The following SDK1 variants were observed in gnomAD, a reference collection of about 807,000 sequenced individuals.
The protein encoded by SDK1 is sidekick cell adhesion molecule 1.
A neutral mutation model predicts 245.5 loss-of-function variants in SDK1; 157 were observed. That is an observed-to-expected ratio of 0.64 (90% confidence interval 0.56 to 0.73). The LOEUF (loss-of-function observed/expected upper bound fraction) is 0.73. SDK1 is among the 30% of genes least tolerant of loss of function. The pLI is 0.00. For missense variants in SDK1, 3,583 were observed against 3,002.3 expected, an observed-to-expected ratio of 1.19 and a Z score of -4.52; for synonymous variants, 1,647 against 1,278.5, an observed-to-expected ratio of 1.29 and a Z score of -6.15.
In SDK1 at chr7:3,739,090, T is replaced by A. The variant is rs114129044; in HGVS notation, c.714-82360T>A. Among the ~76,000 whole-genome samples the A allele has an allele frequency of 1.9e-3, 291 of 152,326 alleles. 2 individuals carry two copies. The highest frequency in any genetic ancestry group is 6.6e-3 in the African/African-American group (275 of 41,590). ...CATAGCTAATCCTTGGTTGACTGTT[T>A]TTATTTCTGAACTTTAAATAGATCA... On this transcript the variant is annotated intron_variant, in intron 4 of 44. Transcript: ENST00000404826.
chr7:3,773,232 T>A (rs533441324), intron 4 of SDK1, among the ~76,000 whole-genome samples: 3 of 152,316 alleles, frequency 2.0e-5, no homozygotes, highest in Non-Finnish European at 4.4e-5. Context: ...TCACTTTTCT[T>A]CAATCTTTTT....
chr7:3,782,470 A>T (rs957414185), intron 4 of SDK1, among the ~76,000 whole-genome samples: 1 of 152,236 alleles, frequency 6.6e-6, no homozygotes, highest in African/African-American at 2.4e-5. Flanking sequence ...CAGGAAGCAG[A>T]GTTCTCCAAT....
At chr7:3,360,105 C>CT (rs1204624420) in intron 1 of SDK1, among the ~76,000 whole-genome samples, 1 of 152,200 alleles carries the variant, frequency 6.6e-6, no homozygotes, top group African/African-American at 2.4e-5. Flanking sequence ...ATGTCATGGC[C>CT]TTCAGCATTC....
intron 2 of SDK1, among the ~76,000 whole-genome samples, chr7:3,629,204 G>A (rs1782212028): frequency 6.6e-6 from 1 of 151,602 alleles, no homozygotes; most frequent in Non-Finnish European, 1.5e-5. Context: ...GGGAGGCTGA[G>A]GCAGGAGAAT....
chr7:4,139,561 A>ATGTGTGTGTGTGTGTATGTG lies in SDK1; in HGVS notation c.4229-6154_4229-6153insGTGTGTGTATGTGTGTGTGT, dbSNP rs71032928. On this transcript the variant is annotated intron_variant, in intron 28 of 44. Transcript: ENST00000404826. ...TATATATGTGTGTGTATATGTATATATGTGTGTATATGTGTGTGTGTATGT... is the reference window on the plus strand; with the variant it reads ...TATATATGTGTGTGTATATGTATATATGTGTGTGTGTGTGTATGTGTGTGTGTATATGTGTGTGTGTATGT... Among the ~76,000 whole-genome samples, 2 of 21,590 alleles carry ATGTGTGTGTGTGTGTATGTG rather than the reference A, an allele frequency of 9.3e-5. 1 individual carries two copies. Among genetic ancestry groups the ATGTGTGTGTGTGTGTATGTG allele is most frequent in the African/African-American group, 2.5e-4 (2 of 7,906 alleles). 14.2% of individuals were successfully genotyped at this position (21,590 alleles called of 152,430 possible).
chr7:3,576,408 C>G (rs975113005), intron 1 of SDK1, among the ~76,000 whole-genome samples: 1 of 152,054 alleles, frequency 6.6e-6, no homozygotes, highest in African/African-American at 2.4e-5. Context: ...TAGAGAAAGC[C>G]TGTGACTTCC....
intron 1 of SDK1, among the ~76,000 whole-genome samples, chr7:3,586,901 G>A (rs1237504120): frequency 2.6e-5 from 4 of 152,152 alleles, no homozygotes; most frequent in Non-Finnish European, 4.4e-5. Context: ...GTGAGAGCCA[G>A]CGTATTAAGG....
At position 3,740,423 on chromosome 7, in the gene SDK1, C is replaced by G. The variant is rs10244910; in HGVS notation, c.714-81027C>G. Among the ~76,000 whole-genome samples the G allele has an allele frequency of 6.1e-3, 930 of 152,238 alleles. 11 individuals carry two copies. The highest frequency in any genetic ancestry group is 0.022 in the African/African-American group (894 of 41,548). On this transcript the variant is annotated intron_variant, in intron 4 of 44. Coordinates refer to ENST00000404826, the MANE Select transcript of SDK1 (RefSeq NM_152744.4). ...TTAGCCCCAGTTCATATTGCTGCCT[C>G]AGGGAACTGTGATATTGAGCATGTG... is the stretch of plus-strand genomic sequence containing the variant.
At chr7:3,376,510 A>G (rs1410237427) in intron 1 of SDK1, among the ~76,000 whole-genome samples, 1 of 152,236 alleles carries the variant, frequency 6.6e-6, no homozygotes, top group Non-Finnish European at 1.5e-5. Flanking sequence ...AAGTAGAAAT[A>G]AATGTATGAA....
chr7:3,365,814 C>T (rs1278396105), intron 1 of SDK1, among the ~76,000 whole-genome samples: 1 of 110,034 alleles, frequency 9.1e-6, no homozygotes. Flanking sequence ...GGGTGTATCA[C>T]CTGAGGTCAG....
intron 14 of SDK1, among the ~76,000 whole-genome samples, chr7:3,990,085 G>C (rs778341755): frequency 6.6e-6 from 1 of 152,244 alleles, no homozygotes; most frequent in Non-Finnish European, 1.5e-5. Context: ...ACACTTGGGC[G>C]TTGGTCTGTG....
At chr7:3,308,839 A>G (rs1779482579) in intron 1 of SDK1, among the ~76,000 whole-genome samples, 1 of 152,046 alleles carries the variant, frequency 6.6e-6, no homozygotes, top group African/African-American at 2.4e-5. Flanking sequence ...GAAGCTCTCA[A>G]GTGTGTAAGC....
At chr7:3,820,192 C>A (rs539254620) in intron 4 of SDK1, among the ~76,000 whole-genome samples, 1 of 152,132 alleles carries the variant, frequency 6.6e-6, no homozygotes, top group South Asian at 2.1e-4. Context: ...GCTCTGTCAC[C>A]AGGCTGGGGT....
chr7:4,175,028 G>T (rs111536752), intron 33 of SDK1, among the ~76,000 whole-genome samples: 2 of 152,224 alleles, frequency 1.3e-5, no homozygotes, highest in African/African-American at 4.8e-5. Flanking sequence ...AACACGCCGT[G>T]TGGACGGTGC....
intron 1 of SDK1, among the ~76,000 whole-genome samples, chr7:3,448,147 G>T (rs1219636825): frequency 6.6e-6 from 1 of 152,078 alleles, no homozygotes; most frequent in African/African-American, 2.4e-5. Context: ...CTGCAGTCTT[G>T]TATAAGGTTC....
At chr7:4,076,382 C>T (rs1780679474) in intron 20 of SDK1, among the ~76,000 whole-genome samples, 1 of 151,980 alleles carries the variant, frequency 6.6e-6, no homozygotes, top group African/African-American at 2.4e-5. Context: ...GGGGAAACCC[C>T]ATCTCTCCAA....
chr7:3,351,067 A>C (rs1006905007), intron 1 of SDK1, among the ~76,000 whole-genome samples: 10 of 152,306 alleles, frequency 6.6e-5, no homozygotes, highest in South Asian at 2.1e-4. Flanking sequence ...TAAAACTAGA[A>C]GAATAAAAAA....
At chr7:3,508,958 G>C (rs1376652031) in intron 1 of SDK1, among the ~76,000 whole-genome samples, 1 of 152,176 alleles carries the variant, frequency 6.6e-6, no homozygotes, top group Admixed American at 6.5e-5. Flanking sequence ...AAACATATCT[G>C]CACTGTTTTA....
At position 4,051,096 on chromosome 7, in the gene SDK1, T is replaced by G. The variant is rs1415544780; in HGVS notation, c.2719-542T>G. Among the ~76,000 whole-genome samples, 3 of 139,772 alleles carry G rather than the reference T, an allele frequency of 2.1e-5. No individual in the cohort carries two copies. In the East Asian group the frequency reaches 5.9e-4, roughly 28 times the overall value. The allele number at this position is 139,772 out of a possible 152,430, so 91.7% of individuals were successfully genotyped here. On this transcript the variant is annotated intron_variant, in intron 18 of 44. Coordinates refer to ENST00000404826, the MANE Select transcript of SDK1 (RefSeq NM_152744.4). ...TATGTTATATATAGTATACTATATG[T>G]GTATATAATATATATGTATAATATA...
Sources: gnomAD v4.1 joint callset for allele counts (sites outside exome capture counted in the v4.1 genomes callset) on GRCh38, gnomAD v4.1.1 for gene constraint, MANE v1.5 for transcripts, NCBI Gene and HGNC (gene_info 2026-07-23, HGNC 2026-07-21) for gene names.